NFIB: variants seen among roughly 807,000 people sequenced by gnomAD.
NFIB encodes the protein nuclear factor I B.
In NFIB, 11 loss-of-function variants were observed where a neutral mutation model predicts 61.5. That is an observed-to-expected ratio of 0.18 (90% CI 0.11 to 0.30). The LOEUF (loss-of-function observed/expected upper bound fraction) is 0.30, where lower values mean the gene tolerates loss of function less well. NFIB is among the 10% of genes least tolerant of loss of function. The pLI is 1.00. For synonymous variants in NFIB, 260 were observed against 216.5 expected (o/e 1.20, Z -1.76); for missense variants, 471 against 608.9 (o/e 0.77, Z 2.38).
intron 2 of NFIB, among the ~76,000 whole-genome samples, chr9:14,228,521 T>C (rs1665607933): frequency 6.6e-6 from 1 of 152,186 alleles, no homozygotes. Flanking sequence ...AACTATACAA[T>C]GTTCCACTCG....
rs1563915989 is a variant in NFIB, at chr9:14,220,847, A to ACCCC, written c.563-41068_563-41067insGGGG. On this transcript the variant is annotated intron_variant, in intron 2 of 10. Coordinates refer to ENST00000380953, the MANE Select transcript of NFIB (RefSeq NM_001190737.2). ...TCCAGTGAAATCAATCTCCCTACAC[A>ACCCC]CACACACACACACACACACACACAC... Among the ~76,000 whole-genome samples the ACCCC allele has an allele frequency of 5.9e-4, 56 of 94,490 alleles. 3 individuals are homozygous for ACCCC. In the East Asian group the frequency reaches 0.021, roughly 35 times the overall value. 62.0% of individuals were successfully genotyped at this position (94,490 alleles called of 152,430 possible).
rs566272147 is a variant in NFIB at position 14,313,387 on chromosome 9, G to A, written c.30+95C>T. ...ACTTCTCCAAGGGACGGGGATGTGCGGAGGTTAACTCAAGCCGCTAATTGT... is the reference window on the plus strand; with the variant it reads ...ACTTCTCCAAGGGACGGGGATGTGCAGAGGTTAACTCAAGCCGCTAATTGT... On this transcript the variant is annotated intron_variant, in intron 1 of 10. Coordinates refer to ENST00000380953, the MANE Select transcript of NFIB (RefSeq NM_001190737.2). This position sits in a 1 kb window ranked among gnomAD's most constrained non-coding sequence, Gnocchi z 4.5. 140 of 1,560,128 alleles carry A rather than the reference G, an allele frequency of 9.0e-5. No individual in the cohort carries two copies. Among genetic ancestry groups the A allele is most frequent in the Non-Finnish European group, 1.2e-4 (138 of 1,136,582 alleles).
chr9:14,222,609 C>T (rs892842760), intron 2 of NFIB, among the ~76,000 whole-genome samples: 1 of 151,908 alleles, frequency 6.6e-6, no homozygotes, highest in African/African-American at 2.4e-5. Context: ...TCGAGACCAG[C>T]CTGGGCAACA....
intron 2 of NFIB, among the ~76,000 whole-genome samples, chr9:14,301,244 C>G (rs987348253): frequency 5.3e-5 from 8 of 152,220 alleles, no homozygotes; most frequent in African/African-American, 1.9e-4. Flanking sequence ...CTGACCGTCA[C>G]TCCTGTCACT....
chr9:14,144,039 A>G (rs1006137612), intron 6 of NFIB, among the ~76,000 whole-genome samples: 4 of 78,748 alleles, frequency 5.1e-5, no homozygotes, highest in Non-Finnish European at 2.7e-5. Flanking sequence ...TGTGTTTAAA[A>G]TGCACATTTG....
At chr9:14,187,908 C>G (rs1001136621) in intron 2 of NFIB, among the ~76,000 whole-genome samples, 2 of 152,158 alleles carry the variant, frequency 1.3e-5, no homozygotes, top group Non-Finnish European at 2.9e-5. Flanking sequence ...ACATCTCTGA[C>G]CAGAGGGCTG....
intron 6 of NFIB, among the ~76,000 whole-genome samples, chr9:14,132,858 T>A (rs1025629619): frequency 2.0e-5 from 3 of 152,196 alleles, no homozygotes; most frequent in African/African-American, 7.2e-5. Context: ...ATTCATTGCA[T>A]ACGGTCTTCT....
Position 14,347,409 on chromosome 9 carries a change from G to A in NFIB, c.109-39889C>T, listed in dbSNP as rs12340056. On this transcript the variant is annotated intron_variant, in intron 1 of 8. Coordinates refer to the NFIB transcript ENST00000380934. ...GGGAGGGAGAGGAGGATAGGTGGAG[G>A]GGGAAGAGGGACTCCTTTTCTCCTC... is the stretch of plus-strand genomic sequence containing the variant. 4.1e-3 allele frequency: 619 copies of A among 152,646 alleles called. 2 individuals carry two copies. The highest frequency in any genetic ancestry group is 5.4e-3 in the Non-Finnish European group (365 of 68,170). 9.5% of individuals were successfully genotyped at this position (152,646 alleles called of 1,614,324 possible).
chr9:14,178,313 T>G (rs908907899), intron 3 of NFIB, among the ~76,000 whole-genome samples: 14 of 152,138 alleles, frequency 9.2e-5, no homozygotes, highest in African/African-American at 3.4e-4. Flanking sequence ...TTGACAAAAT[T>G]TATTATATTC....
intron 1 of NFIB, among the ~76,000 whole-genome samples, chr9:14,348,882 C>T (rs1042731611): frequency 6.6e-6 from 1 of 152,252 alleles, no homozygotes; most frequent in African/African-American, 2.4e-5. Flanking sequence ...ACGAAGCTTG[C>T]GCCTTCATGC....
In NFIB at chr9:14,274,251, TACACACACACACAC is replaced by T. The variant is rs71321975; in HGVS notation, c.562+32724_562+32737del. Among the ~76,000 whole-genome samples, 41 of 124,020 alleles carry T rather than the reference TACACACACACACAC, an allele frequency of 3.3e-4. 1 individual carries two copies. Among genetic ancestry groups the T allele is most frequent in the South Asian group, 9.5e-4 (3 of 3,162 alleles). 81.4% of individuals were successfully genotyped at this position (124,020 alleles called of 152,430 possible). A position where few individuals can be genotyped will look rare whatever the true frequency, so the allele number is the denominator to read the frequency against. Reference sequence around the variant, plus strand: ...TTCTCTCTCTAGCATTCTTCCTCCCTACACACACACACACACACACACACACACACACACACACA... The same window carrying T: ...TTCTCTCTCTAGCATTCTTCCTCCCTACACACACACACACACACACACACA... On this transcript the variant is annotated intron_variant, in intron 2 of 10. Coordinates refer to ENST00000380953, the MANE Select transcript of NFIB (RefSeq NM_001190737.2).
At chr9:14,274,251 T>TTCAC (rs773858697) in intron 2 of NFIB, among the ~76,000 whole-genome samples, 1 of 123,976 alleles carries the variant, frequency 8.1e-6, no homozygotes, top group Admixed American at 8.3e-5. Flanking sequence ...TCTTCCTCCC[T>TTCAC]ACACACACAC....
the NFIB span, among the ~76,000 whole-genome samples, chr9:14,432,302 C>T: frequency 6.6e-6 from 1 of 152,218 alleles, no homozygotes; most frequent in Non-Finnish European, 1.5e-5. Flanking sequence ...ATAAAGGCAA[C>T]ATTCAGAAAG....
chr9:14,126,007 A>G (rs2039596449), intron 6 of NFIB, among the ~76,000 whole-genome samples: 1 of 152,188 alleles, frequency 6.6e-6, no homozygotes, highest in African/African-American at 2.4e-5. Context: ...CCCATTACTA[A>G]ATAAATCTTA....
At chr9:14,334,698 C>G (rs1186776574) in intron 1 of NFIB, among the ~76,000 whole-genome samples, 1 of 152,100 alleles carries the variant, frequency 6.6e-6, no homozygotes, top group Non-Finnish European at 1.5e-5. Context: ...GGTGTAACTG[C>G]CATACAATAA....
chr9:14,292,213 C>T (rs2059150466), intron 2 of NFIB, among the ~76,000 whole-genome samples: 1 of 152,010 alleles, frequency 6.6e-6, no homozygotes, highest in African/African-American at 2.4e-5. Context: ...GTAACGCATC[C>T]AAAGAAGCAC....
At chr9:14,341,642 G>T (rs2060951794) in intron 1 of NFIB, among the ~76,000 whole-genome samples, 1 of 152,134 alleles carries the variant, frequency 6.6e-6, no homozygotes, top group South Asian at 2.1e-4. Context: ...TGGAAATGGG[G>T]TATCTGTAGA....
chr9:14,276,044 T>C (rs888504433), intron 2 of NFIB, among the ~76,000 whole-genome samples: 7 of 152,134 alleles, frequency 4.6e-5, no homozygotes, highest in African/African-American at 1.7e-4. Context: ...TATGAGAAGA[T>C]GTTCACTAAG....
chr9:14,324,109 C>G (rs927049817), intron 1 of NFIB, among the ~76,000 whole-genome samples: 1 of 152,094 alleles, frequency 6.6e-6, no homozygotes, highest in South Asian at 2.1e-4. Context: ...TATAACTTCC[C>G]AAGGAAAATT....
Sources: allele counts gnomAD v4.1 joint callset (sites outside exome capture counted in the v4.1 genomes callset), GRCh38; gene constraint gnomAD v4.1.1; non-coding constraint Gnocchi (gnomAD v3.1); transcripts MANE v1.5; gene names NCBI Gene and HGNC (gene_info 2026-07-23, HGNC 2026-07-21).